The following PIKFYVE variants were observed in gnomAD, a reference collection of about 807,000 sequenced individuals.
PIKFYVE encodes 1-phosphatidylinositol 3-phosphate 5-kinase.
PIKFYVE carries 122 observed loss-of-function variants against 257.9 expected under a neutral mutation model. The observed-to-expected ratio is 0.47, with a 90% CI of 0.41 to 0.55. The LOEUF is 0.55. Among genes scored for constraint, PIKFYVE ranks in the 20% least tolerant of loss-of-function variants. The probability of loss-of-function intolerance (pLI) is 0.00; values close to 1 mark genes in which losing one functional copy is unlikely to be tolerated. For synonymous variants in PIKFYVE, 892 were observed against 868.9 expected, an observed-to-expected ratio of 1.03 and a Z score of -0.47; for missense variants, 2,160 against 2,536.6, an observed-to-expected ratio of 0.85 and a Z score of 3.19.
chr2:208,345,636 G>T (rs1199692798), intron 33 of PIKFYVE, among the ~76,000 whole-genome samples: 7 of 152,080 alleles, frequency 4.6e-5, no homozygotes, highest in Non-Finnish European at 7.4e-5. Context: ...GACAGAAATT[G>T]TCACATGCTC....
At position 208,358,713 on chromosome 2, in the gene PIKFYVE, A is replaced by G. The variant is rs1413427747; in HGVS notation, c.*3408A>G. The stretch of plus-strand genomic sequence containing the variant: ...CTTTTGGAGACTTGTACTGTAAATA[A>G]AGAAATCTTAACAATAAACTCAGAA... On this transcript the variant is annotated 3_prime_UTR_variant, in exon 42 of 42. Transcript: ENST00000264380. 1 of 152,640 alleles carries G rather than the reference A, an allele frequency of 6.6e-6. No individual in the cohort carries two copies. The highest frequency in any genetic ancestry group is 1.5e-5 in the Non-Finnish European group (1 of 68,052). 9.5% of individuals were successfully genotyped at this position (152,640 alleles called of 1,614,324 possible).
At chr2:208,354,451 T>C in intron 40 of PIKFYVE, 120 bp from the exon 41 acceptor site, 1 of 993,146 alleles carries the variant, frequency 1.0e-6, no homozygotes, top group Non-Finnish European at 1.6e-6. Flanking sequence ...ACTTGGCACA[T>C]TGTTAGCACT....
chr2:208,332,919 T>C (rs995480605), intron 23 of PIKFYVE, among the ~76,000 whole-genome samples: 52 of 152,168 alleles, frequency 3.4e-4, no homozygotes, highest in African/African-American at 1.3e-3. Flanking sequence ...CTGCAGTCAG[T>C]ATATATTACG....
chr2:208,345,983 A>G (rs908821467), intron 33 of PIKFYVE, 67 bp from the exon 34 acceptor site: 106 of 1,090,172 alleles, frequency 9.7e-5, no homozygotes, highest in Non-Finnish European at 1.3e-4. Context: ...ATTAGTGTAG[A>G]GTACTTACTA....
In PIKFYVE at chr2:208,354,653, T is replaced by C. The variant is rs1203105500; in HGVS notation, c.6181+8T>C. 1 of 1,606,822 alleles carries C rather than the reference T, an allele frequency of 6.2e-7. No individual in the cohort carries two copies. On this transcript the variant is annotated splice_region_variant and intron_variant, in intron 41 of 41. Transcript: ENST00000264380. ...GAATTTTAGGTGGACAAGGTGAGAA[T>C]TTTTGTTTTGTTTAAATTGTTCACA...
chr2:208,282,200 T>G (rs1690900687), intron 5 of PIKFYVE, among the ~76,000 whole-genome samples: 1 of 152,212 alleles, frequency 6.6e-6, no homozygotes, highest in South Asian at 2.1e-4. Flanking sequence ...TGTTGCCACA[T>G]TACACAATGG....
rs776774897 is a variant in PIKFYVE at position 208,315,281 on chromosome 2, T to G, written c.1915T>G (p.Ser639Ala). The G allele has an allele frequency of 4.3e-6, 7 of 1,614,014 alleles. No individual in the cohort carries two copies. The African/African-American group carries it at 5.3e-5, about 12-fold the overall frequency. Residue 639 changes from serine (S) to alanine (A), a missense_variant, in exon 15 of 42, where the codon TCA (serine) becomes GCA (alanine). Physicochemically the swap from Ser to Ala is moderately conservative, Grantham distance 99. This residue lies in a region of PIKFYVE where 346 missense variants were observed against 365.6 expected (regional missense o/e 0.95). Transcript: ENST00000264380. ...LSSSWRDIIV[S>A]LVCQVVQTVR... ...ATCATCTTGGAGGGACATCATCGTG[T>G]CATTGGTCTGCCAGGTTGTTCAGAC...
At position 208,354,074 on chromosome 2, in the gene PIKFYVE, T is replaced by A; in HGVS notation, c.6021T>A (p.His2007Gln). The A allele has an allele frequency of 1.9e-6, 3 of 1,614,044 alleles. No individual in the cohort carries two copies. The highest frequency in any genetic ancestry group is 2.5e-6 in the Non-Finnish European group (3 of 1,179,942). ...VLRTSIHSDS[H>Q]FLSSHLIIDY... ...GAACCTCGATCCATAGTGACTCCCA[T>A]TTCCTTTCTAGCCACCTCATTATAG... is the stretch of plus-strand genomic sequence containing the variant. Residue 2007 changes from histidine (H) to glutamine (Q), a missense_variant, in exon 40 of 42, where the codon CAT (histidine) becomes CAA (glutamine). Physicochemically the swap from His to Gln is conservative, Grantham distance 24. This residue lies in a region of PIKFYVE where 699 missense variants were observed against 855.8 expected (regional missense o/e 0.82). Coordinates refer to ENST00000264380, the MANE Select transcript of PIKFYVE (RefSeq NM_015040.4).
intron 13 of PIKFYVE, among the ~76,000 whole-genome samples, chr2:208,312,616 G>C (rs1382802070): frequency 6.6e-6 from 1 of 152,162 alleles, no homozygotes; most frequent in Non-Finnish European, 1.5e-5. Flanking sequence ...ATTAAGTATT[G>C]ATATAAATAT....
chr2:208,315,477 T>C (rs1695394900), intron 15 of PIKFYVE, 104 bp downstream of exon 15: 2 of 1,380,566 alleles, frequency 1.4e-6, no homozygotes, highest in Non-Finnish European at 2.0e-6. Flanking sequence ...CCCTGAGGGG[T>C]GCTAGGTGAG....
rs538037402 is a variant in PIKFYVE, at chr2:208,340,190, G to A, written c.4931+59G>A. The A allele has an allele frequency of 9.5e-6, 15 of 1,581,438 alleles. No homozygotes were observed. In the East Asian group the frequency reaches 2.2e-4, roughly 24 times the overall value. On this transcript the variant is annotated intron_variant, in intron 31 of 41. Coordinates refer to ENST00000264380, the MANE Select transcript of PIKFYVE (RefSeq NM_015040.4). ...GGGGGTTATTTTTCCTTAGTTGCTCGCTTCATATTTAAATATATTTATCTG... is the reference window on the plus strand; with the variant it reads ...GGGGGTTATTTTTCCTTAGTTGCTCACTTCATATTTAAATATATTTATCTG...
Position 208,302,291 on chromosome 2 carries a change from G to A in PIKFYVE, c.1258G>A (p.Asp420Asn), listed in dbSNP as rs377481685. The stretch of plus-strand genomic sequence containing the variant: ...AGCAATGGTTGATGGACGTTGGCTG[G>A]ATTGTGTTAGTCATCACGACCAGCT... The part of the protein sequence containing the change: ...GQAMVDGRWL[D>N]CVSHHDQLFR... The change falls in exon 10 of 42, where the codon GAT (aspartate) becomes AAT (asparagine). Residue 420 changes from aspartate (D) to asparagine (N), a missense_variant. Physicochemically the swap from Asp to Asn is conservative, Grantham distance 23 (BLOSUM62 1). Transcript: ENST00000264380. 1 of 1,614,024 alleles carries A rather than the reference G, an allele frequency of 6.2e-7. No individual in the cohort carries two copies. Among genetic ancestry groups the A allele is most frequent in the Non-Finnish European group, 8.5e-7 (1 of 1,180,002 alleles).
At chr2:208,307,953 T>A (rs1448457328) in intron 12 of PIKFYVE, among the ~76,000 whole-genome samples, 3 of 152,206 alleles carry the variant, frequency 2.0e-5, no homozygotes, top group Non-Finnish European at 4.4e-5. Context: ...TTTTTAAAAT[T>A]GTAAATTGAC....
At chr2:208,294,210 A>G (rs1322589553) in intron 7 of PIKFYVE, among the ~76,000 whole-genome samples, 2 of 152,142 alleles carry the variant, frequency 1.3e-5, no homozygotes, top group African/African-American at 4.8e-5. Flanking sequence ...GAGTCCATCA[A>G]AGGCACTCTT....
chr2:208,305,346 C>G (rs1045537620), intron 12 of PIKFYVE: 48 of 1,165,794 alleles, frequency 4.1e-5, no homozygotes, highest in Non-Finnish European at 5.0e-5. Context: ...CTGCTCTATT[C>G]TTTTCTCTTT....
chr2:208,336,450 C>A (rs1698148710), intron 27 of PIKFYVE, among the ~76,000 whole-genome samples: 1 of 152,056 alleles, frequency 6.6e-6, no homozygotes, highest in Admixed American at 6.6e-5. Context: ...TAATTTGAAA[C>A]AATGTTGTTC....
chr2:208,314,555 T>C lies in PIKFYVE; in HGVS notation c.1826+132T>C, dbSNP rs145886080. 637 of 1,084,998 alleles carry C rather than the reference T, an allele frequency of 5.9e-4. No homozygotes were observed. In the African/African-American group the frequency reaches 7.4e-3, roughly 13 times the overall value. The allele number at this position is 1,084,998 out of a possible 1,614,324, so 67.2% of individuals were successfully genotyped here. A position where few individuals can be genotyped will look rare whatever the true frequency, so the allele number is the denominator to read the frequency against. ...CTTAGAAAGTAAAAAAATACTAAGG[T>C]TACTTAGGAAATACAGTCTATTTTG... is the stretch of plus-strand genomic sequence containing the variant. On this transcript the variant is annotated intron_variant, in intron 14 of 41. Transcript: ENST00000264380.
chr2:208,306,814 G>A lies in PIKFYVE; in HGVS notation c.1636+1801G>A, dbSNP rs149759871. Among the ~76,000 whole-genome samples, 497 of 147,240 alleles carry A rather than the reference G, an allele frequency of 3.4e-3. 3 individuals are homozygous for A. The highest frequency in any genetic ancestry group is 0.012 in the African/African-American group (480 of 39,858). On this transcript the variant is annotated intron_variant, in intron 12 of 41. Transcript: ENST00000264380. ...TTTCTAAGAGACAGGGTCTGACTCT[G>A]TTGCCCAGGCTGGAGTGCAGTGGCG...
At chr2:208,305,042 AAC>A (rs768928826) in intron 12 of PIKFYVE, 29 bp downstream of exon 12, 3 of 1,613,660 alleles carry the variant, frequency 1.9e-6, no homozygotes, top group Non-Finnish European at 2.5e-6. Context: ...CTGGAATCCA[AAC>A]ACAGGCTGGA....
Sources: gnomAD v4.1 joint callset for allele counts (sites outside exome capture counted in the v4.1 genomes callset) on GRCh38, gnomAD v4.1.1 for gene constraint, gnomAD v4.1.1 regional missense constraint, MANE v1.5 for transcripts, NCBI Gene and HGNC (gene_info 2026-07-23, HGNC 2026-07-21) for gene names.